The following XIRP2 variants were observed in gnomAD, a reference collection of about 807,000 sequenced individuals.
XIRP2 encodes xin actin binding repeat containing 2.
A neutral mutation model predicts 277.0 loss-of-function variants in XIRP2; 236 were observed. The observed-to-expected ratio is 0.85, with a 90% confidence interval of 0.77 to 0.95. The LOEUF (loss-of-function observed/expected upper bound fraction) is 0.95, where lower values mean the gene tolerates loss of function less well. XIRP2 is among the 40% of genes least tolerant of loss of function. XIRP2 has a pLI of 0.00. For missense variants in XIRP2, 4,640 were observed against 4,157.5 expected (o/e 1.12, Z -3.19); for synonymous variants, 1,490 against 1,416.5 (o/e 1.05, Z -1.17).
intron 2 of XIRP2, among the ~76,000 whole-genome samples, chr2:167,035,683 T>C (rs1688490185): frequency 6.6e-6 from 1 of 152,154 alleles, no homozygotes. Flanking sequence ...TGTGGAGAAA[T>C]TCAAGCCAGC....
At chr2:167,084,288 A>T (rs1001961352) in intron 2 of XIRP2, among the ~76,000 whole-genome samples, 2 of 152,200 alleles carry the variant, frequency 1.3e-5, no homozygotes, top group African/African-American at 4.8e-5. Flanking sequence ...CTAGGGATGA[A>T]GCCCACTTGA....
Position 167,250,651 on chromosome 2 carries a change from C to T in XIRP2, c.9259C>T (p.His3087Tyr). 1 of 1,613,504 alleles carries T rather than the reference C, an allele frequency of 6.2e-7. No individual in the cohort carries two copies. ...AACAGTACAGCACCAAGTAGCAGCT[C>T]ATCATGAAGCAACTGTTCGTAGTCA... ...EKTVQHQVAA[H>Y]HEATVRSHVK... is the part of the protein sequence containing the mutation. Residue 3087 changes from histidine to tyrosine, a missense_variant, in exon 9 of 11, where the codon CAT becomes TAT. His to Tyr is a moderately conservative substitution (Grantham distance 83). Coordinates refer to ENST00000409195, the MANE Select transcript of XIRP2 (RefSeq NM_152381.6).
At position 167,245,627 on chromosome 2, in the gene XIRP2, A is replaced by G; in HGVS notation, c.4235A>G (p.His1412Arg). 1.2e-6 allele frequency: 2 copies of G among 1,613,666 alleles called. No homozygotes were observed. The highest frequency in any genetic ancestry group is 1.7e-6 in the Non-Finnish European group (2 of 1,179,724). Reference sequence around the variant, plus strand: ...CATAATATTATGCCCAGTATTGACCATATACAAGGTGGCAATGTAAAGACA... The same window carrying G: ...CATAATATTATGCCCAGTATTGACCGTATACAAGGTGGCAATGTAAAGACA... ...ESHNIMPSID[H>R]IQGGNVKTSR... The change falls in exon 9 of 11, where the codon CAT (histidine) becomes CGT (arginine). Residue 1412 changes from histidine to arginine, a missense_variant. His to Arg is a conservative substitution (Grantham distance 29). Transcript: ENST00000409195.
intron 2 of XIRP2, among the ~76,000 whole-genome samples, chr2:167,073,430 T>A (rs539797620): frequency 2.6e-5 from 4 of 152,256 alleles, no homozygotes; most frequent in Admixed American, 6.5e-5. Context: ...GTTTCTGTTT[T>A]GTAAGAAAAT....
In XIRP2 at chr2:167,243,798, A is replaced by G; in HGVS notation, c.2406A>G (p.Lys802=). ...GAATATCCATGGAAGAAAATGTCAA[A>G]GGTGGGGTGAGTAAGGCAAAGTGGT... The part of the protein sequence containing the change: ...VRGISMEENV[K]GGVSKAKWLF... The change falls in exon 9 of 11, where the codon AAA becomes AAG. Residue 802 remains lysine, a synonymous_variant. Transcript: ENST00000409195. 4 of 1,614,082 alleles carry G rather than the reference A, an allele frequency of 2.5e-6. No homozygotes were observed. The South Asian group carries it at 3.3e-5, about 13-fold the overall frequency.
chr2:167,171,665 C>T (rs1057080577), intron 3 of XIRP2, among the ~76,000 whole-genome samples: 1 of 152,114 alleles, frequency 6.6e-6, no homozygotes, highest in Non-Finnish European at 1.5e-5. Flanking sequence ...TTAAAGCTCC[C>T]AACTATGATT....
At position 166,892,876 on chromosome 2, in the gene XIRP2, G is replaced by GTA. The variant is rs1436957444; in HGVS notation, c.-19+4325_-19+4326dup. Among the ~76,000 whole-genome samples, 7 of 147,914 alleles carry GTA rather than the reference G, an allele frequency of 4.7e-5. No individual in the cohort carries two copies. The Admixed American group carries it at 4.8e-4, about 10-fold the overall frequency. On this transcript the variant is annotated intron_variant, in intron 1 of 10. Coordinates refer to ENST00000409195, the MANE Select transcript of XIRP2 (RefSeq NM_152381.6). ...ATGTTTTATATATATATGTATGTGT[G>GTA]TATATATGTATATATGTGTATATAT... is the stretch of plus-strand genomic sequence containing the variant.
intron 4 of XIRP2, among the ~76,000 whole-genome samples, chr2:167,216,775 A>G (rs1382347583): frequency 7.0e-4 from 67 of 95,910 alleles, no homozygotes; most frequent in African/African-American, 3.9e-3. Flanking sequence ...CAGCCATCCC[A>G]TTACTGGGTA....
chr2:167,020,114 CA>C lies in XIRP2; in HGVS notation c.409-115793del, dbSNP rs1687940185. 2.0e-5 allele frequency among the ~76,000 whole-genome samples: 3 copies of C among 152,030 alleles called. No homozygotes were observed. The South Asian group carries it at 6.2e-4, about 31-fold the overall frequency. The stretch of plus-strand genomic sequence containing the variant: ...TCAATCTAAATTAGAACATTTGTTT[CA>C]ATCCAAATATTTTCATGATGGTTGT... On this transcript the variant is annotated intron_variant, in intron 2 of 10. Coordinates refer to ENST00000409195, the MANE Select transcript of XIRP2 (RefSeq NM_152381.6).
chr2:167,085,360 C>T (rs1034782987), intron 2 of XIRP2, among the ~76,000 whole-genome samples: 4 of 150,956 alleles, frequency 2.6e-5, no homozygotes, highest in African/African-American at 9.7e-5. Flanking sequence ...GCTTTACTTC[C>T]AAGTATGTGG....
chr2:167,190,184 C>G (rs1291737945), intron 3 of XIRP2, among the ~76,000 whole-genome samples: 1 of 152,136 alleles, frequency 6.6e-6, no homozygotes, highest in Admixed American at 6.6e-5. Flanking sequence ...CTCACCAAAC[C>G]CTGTCCTTTA....
intron 2 of XIRP2, among the ~76,000 whole-genome samples, chr2:167,089,813 T>G (rs2105273887): frequency 6.6e-6 from 1 of 152,258 alleles, no homozygotes; most frequent in Non-Finnish European, 1.5e-5. Flanking sequence ...GCTATGCCCA[T>G]TTGTTTATGT....
chr2:167,046,474 C>T (rs556604069), intron 2 of XIRP2, among the ~76,000 whole-genome samples: 3 of 151,750 alleles, frequency 2.0e-5, no homozygotes, highest in South Asian at 4.1e-4. Context: ...CACATGTATG[C>T]ATGCTCATCA....
intron 2 of XIRP2, among the ~76,000 whole-genome samples, chr2:167,101,811 A>C (rs528580006): frequency 3.3e-5 from 5 of 152,334 alleles, no homozygotes; most frequent in African/African-American, 1.2e-4. Flanking sequence ...GATATTCTTA[A>C]GGTAATTTCA....
chr2:167,024,632 A>G (rs1688095482), intron 2 of XIRP2, among the ~76,000 whole-genome samples: 1 of 152,138 alleles, frequency 6.6e-6, no homozygotes, highest in Admixed American at 6.6e-5. Flanking sequence ...CATCCCATCA[A>G]TACCTAATGT....
chr2:167,007,287 A>C (rs1356475690), intron 2 of XIRP2, among the ~76,000 whole-genome samples: 1 of 151,718 alleles, frequency 6.6e-6, no homozygotes, highest in Non-Finnish European at 1.5e-5. Flanking sequence ...TAAATTATAG[A>C]GGTGGAAAAG....
chr2:167,253,460 A>T (rs1695572711), intron 9 of XIRP2, among the ~76,000 whole-genome samples: 1 of 151,870 alleles, frequency 6.6e-6, no homozygotes, highest in Non-Finnish European at 1.5e-5. Flanking sequence ...CATTACAATT[A>T]AGAGTTGGTA....
intron 5 of XIRP2, among the ~76,000 whole-genome samples, chr2:167,233,247 G>T (rs1242206906): frequency 6.6e-6 from 1 of 151,866 alleles, no homozygotes; most frequent in Non-Finnish European, 1.5e-5. Context: ...AATAATTGAG[G>T]CATAAAGCTG....
At chr2:167,092,393 C>G (rs1465697765) in intron 2 of XIRP2, among the ~76,000 whole-genome samples, 1 of 152,190 alleles carries the variant, frequency 6.6e-6, no homozygotes, top group South Asian at 2.1e-4. Flanking sequence ...ACTTCTATGT[C>G]TCTGGCACAC....
Sources: allele counts gnomAD v4.1 joint callset (sites outside exome capture counted in the v4.1 genomes callset), GRCh38; gene constraint gnomAD v4.1.1; transcripts MANE v1.5; gene names NCBI Gene and HGNC (gene_info 2026-07-23, HGNC 2026-07-21).